PCDHGA6: variants seen among roughly 807,000 people sequenced by gnomAD.
PCDHGA6 encodes the protein protocadherin gamma-A6.
In PCDHGA6, 41 loss-of-function variants were observed where a neutral mutation model predicts 60.6. That is an observed-to-expected ratio of 0.68 (90% confidence interval 0.53 to 0.88). The LOEUF is 0.88. Ranked by LOEUF, PCDHGA6 falls within the 40% of genes least tolerant of loss-of-function variation. PCDHGA6 has a pLI of 0.00. For missense variants in PCDHGA6, 1,312 were observed against 1,203.0 expected (o/e 1.09, Z -1.34); for synonymous variants, 594 against 524.4 (o/e 1.13, Z -1.81).
At position 141,510,965 on chromosome 5, in the gene PCDHGA6, C is replaced by T. The variant is rs1473736492; in HGVS notation, c.2591C>T (p.Ser864Phe). The T allele has an allele frequency of 3.1e-6, 5 of 1,614,026 alleles. No homozygotes were observed. The highest frequency in any genetic ancestry group is 4.2e-6 in the Non-Finnish European group (5 of 1,180,020). The change falls in exon 4 of 4, where the codon TCC becomes TTC. Residue 864 changes from serine (S) to phenylalanine (F), a missense_variant. Transcript: ENST00000517434. ...TCTGCAGAAGCTGCTGATGGGAGCT[C>T]CACCCTGGGAGGGGGTGCCGGCACC... ...ASASEAADGS[S>F]TLGGGAGTMG...
In PCDHGA6 at chr5:141,487,265, G is replaced by A; in HGVS notation, c.2425-7542G>A. 2 of 1,614,158 alleles carry A rather than the reference G, an allele frequency of 1.2e-6. 1 individual carries two copies. Among genetic ancestry groups the A allele is most frequent in the South Asian group, 2.2e-5 (2 of 91,084 alleles). On this transcript the variant is annotated intron_variant, in intron 1 of 3. Transcript: ENST00000517434. The surrounding 1 kb of genome is among the most constrained non-coding windows in gnomAD (Gnocchi z 5.0). Reference sequence around the variant, plus strand: ...AACCCTCTACTTGGCTGTGTCCCTAGTGGCAATTTGCTTTGTCTCCTTTGG... The same window carrying A: ...AACCCTCTACTTGGCTGTGTCCCTAATGGCAATTTGCTTTGTCTCCTTTGG...
chr5:141,423,078 C>T (rs752144906), intron 1 of PCDHGA6: 2 of 1,614,108 alleles, frequency 1.2e-6, no homozygotes, highest in Non-Finnish European at 1.7e-6. Context: ...AGCCGGGACT[C>T]TTCGCGGTGG....
At chr5:141,388,340 T>C in intron 1 of PCDHGA6, 1 of 1,613,994 alleles carries the variant, frequency 6.2e-7, no homozygotes, top group South Asian at 1.1e-5. Context: ...GCACACGATT[T>C]ATATTAGGAT....
intron 1 of PCDHGA6, among the ~76,000 whole-genome samples, chr5:141,467,735 C>T (rs557555571): frequency 3.3e-5 from 5 of 152,182 alleles, no homozygotes; most frequent in East Asian, 3.9e-4. Flanking sequence ...AATCCCAGCT[C>T]GCTGCAACCT....
Position 141,430,658 on chromosome 5 carries a change from G to A in PCDHGA6, c.2424+54151G>A, listed in dbSNP as rs1350572230. ...CCTGGGAGTATGTGGAAACAACGGA[G>A]GAGCTCTGACTTCCCAACTGTCCCA... On this transcript the variant is annotated intron_variant, in intron 1 of 3. Coordinates refer to ENST00000517434, the MANE Select transcript of PCDHGA6 (RefSeq NM_018919.3). The A allele has an allele frequency of 7.2e-6, 8 of 1,105,688 alleles. No individual in the cohort carries two copies. The African/African-American group carries it at 9.5e-5, about 13-fold the overall frequency. The allele number at this position is 1,105,688 out of a possible 1,614,324, so 68.5% of individuals were successfully genotyped here. A position where few individuals can be genotyped will look rare whatever the true frequency, so the allele number is the denominator to read the frequency against.
intron 1 of PCDHGA6, chr5:141,422,160 A>C: frequency 6.4e-7 from 1 of 1,573,304 alleles, no homozygotes; most frequent in South Asian, 1.2e-5. Context: ...TGGATTTTGA[A>C]AAATATAGAT....
chr5:141,427,126 C>T (rs1216633922), intron 1 of PCDHGA6: 1 of 457,282 alleles, frequency 2.2e-6, no homozygotes, highest in Non-Finnish European at 4.4e-6. Context: ...TCTTTCAAAT[C>T]CCTACGAGAT....
chr5:141,487,643 C>T lies in PCDHGA6; in HGVS notation c.2425-7164C>T. 1.2e-6 allele frequency: 2 copies of T among 1,614,104 alleles called. No homozygotes were observed. The highest frequency in any genetic ancestry group is 1.7e-6 in the Non-Finnish European group (2 of 1,179,986). Reference sequence around the variant, plus strand: ...GAGACCTTTGCAGGCTCAACAAATGCTTGAGGGTTATTCTGATCCAGGCAT... The same window carrying T: ...GAGACCTTTGCAGGCTCAACAAATGTTTGAGGGTTATTCTGATCCAGGCAT... On this transcript the variant is annotated intron_variant, in intron 1 of 3. Transcript: ENST00000517434. The surrounding 1 kb of genome is among the most constrained non-coding windows in gnomAD (Gnocchi z 5.0).
rs376764580 is a variant in PCDHGA6 at position 141,400,568 on chromosome 5, T to C, written c.2424+24061T>C. On this transcript the variant is annotated intron_variant, in intron 1 of 3. Coordinates refer to ENST00000517434, the MANE Select transcript of PCDHGA6 (RefSeq NM_018919.3). ...TATTCTTTTTCATTACCCACCCAATTTTCTGTATTTACATGAAACTATCGT... is the reference window on the plus strand; with the variant it reads ...TATTCTTTTTCATTACCCACCCAATCTTCTGTATTTACATGAAACTATCGT... 46 of 1,612,870 alleles carry C rather than the reference T, an allele frequency of 2.9e-5. No homozygotes were observed. In the African/African-American group the frequency reaches 5.7e-4, roughly 20 times the overall value.
intron 1 of PCDHGA6, chr5:141,416,916 T>A (rs751743318): frequency 5.5e-4 from 83 of 152,132 alleles, no homozygotes; most frequent in Non-Finnish European, 8.5e-4. Flanking sequence ...CTCTTTAGGG[T>A]CATAGTTATT....
chr5:141,470,262 A>C (rs924170384), intron 1 of PCDHGA6, among the ~76,000 whole-genome samples: 2 of 152,126 alleles, frequency 1.3e-5, no homozygotes, highest in African/African-American at 4.8e-5. Context: ...CTAAATGGAG[A>C]TACATGTTTG....
In PCDHGA6 at chr5:141,418,608, GC is replaced by G. The variant is rs1422456031; in HGVS notation, c.2424+42103del. On this transcript the variant is annotated intron_variant, in intron 1 of 3. Transcript: ENST00000517434. Reference sequence around the variant, plus strand: ...TTCAGCCAGGACGTGTACAGGGTTAGCCTTCGGGAAGACGTGCCTCCAGGCA... The same window carrying G: ...TTCAGCCAGGACGTGTACAGGGTTAGCTTCGGGAAGACGTGCCTCCAGGCA... 4 of 1,613,922 alleles carry G rather than the reference GC, an allele frequency of 2.5e-6. No individual in the cohort carries two copies. In the African/African-American group the frequency reaches 5.3e-5, roughly 22 times the overall value.
rs201006002 is a variant in PCDHGA6, at chr5:141,432,497, C to T, written c.2424+55990C>T. 7 of 1,614,062 alleles carry T rather than the reference C, an allele frequency of 4.3e-6. 1 individual carries two copies. In the South Asian group the frequency reaches 6.6e-5, roughly 15 times the overall value. On this transcript the variant is annotated intron_variant, in intron 1 of 3. Transcript: ENST00000517434. This position sits in a 1 kb window ranked among gnomAD's most constrained non-coding sequence, Gnocchi z 6.0. Reference sequence around the variant, plus strand: ...TTCCACTGGCGTGGAGCTGGCTCCCCGCTCCGCAGAGCCCGGCTACCTGGT... The same window carrying T: ...TTCCACTGGCGTGGAGCTGGCTCCCTGCTCCGCAGAGCCCGGCTACCTGGT...
At position 141,486,813 on chromosome 5, in the gene PCDHGA6, G is replaced by A; in HGVS notation, c.2425-7994G>A. On this transcript the variant is annotated intron_variant, in intron 1 of 3. Transcript: ENST00000517434. The surrounding 1 kb of genome is among the most constrained non-coding windows in gnomAD (Gnocchi z 5.0). ...GATCGGGGCAACCCACCCCTTAGCA[G>A]CACTGTAACAGTTCGTCTATTTGTG... The A allele has an allele frequency of 6.2e-7, 1 of 1,614,212 alleles. No individual in the cohort carries two copies.
chr5:141,389,990 C>T (rs2091998485), intron 1 of PCDHGA6: 3 of 1,614,044 alleles, frequency 1.9e-6, no homozygotes, highest in Non-Finnish European at 8.5e-7. Context: ...TGCTCTTCCT[C>T]GTGGCCATGA....
intron 3 of PCDHGA6, among the ~76,000 whole-genome samples, chr5:141,509,722 C>A (rs919655821): frequency 5.9e-5 from 9 of 152,140 alleles, no homozygotes; most frequent in African/African-American, 2.2e-4. Flanking sequence ...CTGATGTCAC[C>A]TAGCTGTGGC....
At chr5:141,394,710 C>T in intron 1 of PCDHGA6, 1 of 1,613,354 alleles carries the variant, frequency 6.2e-7, no homozygotes. Context: ...GCGAGCCCTG[C>T]TGGACAGAGA....
chr5:141,490,882 A>G lies in PCDHGA6; in HGVS notation c.2425-3925A>G, dbSNP rs758716907. ...CGGCTCTCCCCCATTGCATGCCAAC[A>G]CATCTCTGCATGTGTTTGTCCTAGA... On this transcript the variant is annotated intron_variant, in intron 1 of 3. Coordinates refer to ENST00000517434, the MANE Select transcript of PCDHGA6 (RefSeq NM_018919.3). This position sits in a 1 kb window ranked among gnomAD's most constrained non-coding sequence, Gnocchi z 5.4. 6.2e-7 allele frequency: 1 copy of G among 1,613,848 alleles called. No individual in the cohort carries two copies. Among genetic ancestry groups the G allele is most frequent in the Non-Finnish European group, 8.5e-7 (1 of 1,179,920 alleles).
chr5:141,404,973 A>T, intron 1 of PCDHGA6: 1 of 1,613,952 alleles, frequency 6.2e-7, no homozygotes, highest in South Asian at 1.1e-5. Flanking sequence ...ATCCTGGCTG[A>T]CCTGGGCAGT....
Sources: allele counts gnomAD v4.1 joint callset (sites outside exome capture counted in the v4.1 genomes callset), GRCh38; gene constraint gnomAD v4.1.1; non-coding constraint Gnocchi (gnomAD v3.1); transcripts MANE v1.5; gene names NCBI Gene and HGNC (gene_info 2026-07-23, HGNC 2026-07-21).